Variants in CYRIB observed in about 807,000 individuals in gnomAD.
The protein encoded by CYRIB is CYFIP related Rac1 interactor B.
Under a neutral mutation model 44.2 loss-of-function variants are expected in CYRIB, and 8 were observed. The observed-to-expected ratio is 0.18, with a 90% CI of 0.11 to 0.33. The LOEUF (loss-of-function observed/expected upper bound fraction) is 0.33, where lower values mean the gene tolerates loss of function less well. Ranked by LOEUF, CYRIB falls within the 10% of genes least tolerant of loss-of-function variation. CYRIB has a pLI of 1.00. For missense variants in CYRIB, 185 were observed against 382.8 expected (o/e 0.48, Z 4.31); for synonymous variants, 131 against 127.2 (o/e 1.03, Z -0.20).
At chr8:129,911,006 A>C (rs575865300) in intron 1 of CYRIB, among the ~76,000 whole-genome samples, 26 of 152,288 alleles carry the variant, frequency 1.7e-4, no homozygotes, top group African/African-American at 6.3e-4. Context: ...TTTTTCCTCC[A>C]CAATTGTGTA....
intron 2 of CYRIB, among the ~76,000 whole-genome samples, chr8:129,967,193 A>G (rs7845534): frequency 0.024 from 3,607 of 152,278 alleles, 136 homozygotes; most frequent in African/African-American, 0.082. Flanking sequence ...TACTGACTCA[A>G]GAGTCCTAAC....
intron 4 of CYRIB, among the ~76,000 whole-genome samples, chr8:129,863,784 G>T (rs576193894): frequency 1.3e-5 from 2 of 151,822 alleles, no homozygotes; most frequent in African/African-American, 2.4e-5. Flanking sequence ...ATATTTTTTT[G>T]TCTTTATCTT....
chr8:129,950,051 G>A (rs2094422439), intron 2 of CYRIB, among the ~76,000 whole-genome samples: 1 of 152,078 alleles, frequency 6.6e-6, no homozygotes, highest in South Asian at 2.1e-4. Context: ...AAAAGTTTGG[G>A]TAAAACTTAA....
At chr8:129,957,545 T>G (rs1244312950) in intron 2 of CYRIB, among the ~76,000 whole-genome samples, 1 of 152,194 alleles carries the variant, frequency 6.6e-6, no homozygotes, top group Admixed American at 6.5e-5. Flanking sequence ...TTCAAATTTT[T>G]TTATTGCCGG....
At chr8:129,983,192 T>C (rs1264165566) in intron 1 of CYRIB, among the ~76,000 whole-genome samples, 1 of 152,134 alleles carries the variant, frequency 6.6e-6, no homozygotes, top group Non-Finnish European at 1.5e-5. Context: ...ACGCCTGTAA[T>C]GCCAGCACTT....
At chr8:129,913,970 C>T (rs1253572829) in intron 1 of CYRIB, among the ~76,000 whole-genome samples, 1 of 152,028 alleles carries the variant, frequency 6.6e-6, no homozygotes, top group East Asian at 1.9e-4. Flanking sequence ...ATACAGAATT[C>T]TTTATAGTTT....
chr8:129,910,007 G>A (rs960340308), intron 1 of CYRIB, among the ~76,000 whole-genome samples: 23 of 152,220 alleles, frequency 1.5e-4, no homozygotes, highest in African/African-American at 4.8e-4. Flanking sequence ...CACCTCAGGG[G>A]ATGCCTGGAG....
chr8:130,008,101 C>T (rs1324041678), intron 1 of CYRIB, among the ~76,000 whole-genome samples: 2 of 150,454 alleles, frequency 1.3e-5, no homozygotes, highest in Non-Finnish European at 3.0e-5. Flanking sequence ...CCCAGCTACT[C>T]GGGAGGCTGA....
At chr8:129,954,552 C>G (rs552266245) in intron 2 of CYRIB, among the ~76,000 whole-genome samples, 5 of 152,150 alleles carry the variant, frequency 3.3e-5, no homozygotes, top group African/African-American at 9.6e-5. Flanking sequence ...GCTGCTTGTA[C>G]TTATAAGTGC....
At chr8:129,850,753 A>G in intron 9 of CYRIB, 82 bp downstream of exon 11, 1 of 954,354 alleles carries the variant, frequency 1.0e-6, no homozygotes, top group Non-Finnish European at 1.7e-6. Context: ...AAACATGTTA[A>G]CATGTTCATA....
intron 1 of CYRIB, among the ~76,000 whole-genome samples, chr8:129,910,811 G>C (rs1340252061): frequency 6.6e-6 from 1 of 152,150 alleles, no homozygotes; most frequent in Admixed American, 6.5e-5. Context: ...ACAAACAAGA[G>C]AAACACGGTC....
intron 2 of CYRIB, among the ~76,000 whole-genome samples, chr8:129,970,331 G>C (rs2132143953): frequency 6.6e-6 from 1 of 152,238 alleles, no homozygotes; most frequent in Non-Finnish European, 1.5e-5. Context: ...GTCACAGACA[G>C]AGGGCACCCA....
intron 2 of CYRIB, among the ~76,000 whole-genome samples, chr8:129,897,506 C>T (rs1251169692): frequency 6.6e-6 from 1 of 151,224 alleles, no homozygotes. Flanking sequence ...CTTAAAACAA[C>T]AGTCAAATGA....
At chr8:129,882,998 C>A (rs781158077) in intron 2 of CYRIB, among the ~76,000 whole-genome samples, 1 of 150,668 alleles carries the variant, frequency 6.6e-6, no homozygotes, top group Non-Finnish European at 1.5e-5. Context: ...GAGTTCGAGA[C>A]CAGTCTGGCC....
At chr8:129,895,130 G>A (rs2067344075) in intron 2 of CYRIB, among the ~76,000 whole-genome samples, 2 of 133,162 alleles carry the variant, frequency 1.5e-5, no homozygotes, top group Non-Finnish European at 3.3e-5. Flanking sequence ...GTGGGGGTGG[G>A]GGTGGGGGTG....
chr8:129,962,235 C>A (rs763698060), intron 2 of CYRIB, among the ~76,000 whole-genome samples: 3 of 151,140 alleles, frequency 2.0e-5, no homozygotes, highest in African/African-American at 4.9e-5. Flanking sequence ...CAGAGTGAAA[C>A]CCTGTTTAAA....
At chr8:129,907,277 A>T (rs1249251260) in intron 1 of CYRIB, among the ~76,000 whole-genome samples, 1 of 152,244 alleles carries the variant, frequency 6.6e-6, no homozygotes, top group East Asian at 1.9e-4. Flanking sequence ...ATAAAAAATG[A>T]TGAGTTTAGG....
Position 129,862,449 on chromosome 8 carries a change from T to C in CYRIB, c.196-115A>G, listed in dbSNP as rs188161058. The C allele has an allele frequency of 8.1e-5, 66 of 812,674 alleles. 1 individual carries two copies. In the East Asian group the frequency reaches 1.5e-3, roughly 19 times the overall value. 50.3% of individuals were successfully genotyped at this position (812,674 alleles called of 1,614,324 possible). ...AAACACTGGTATAATCCATAAAATA[T>C]AGAATATTGAATCTAGGAGTGTTGA... On this transcript the variant is annotated intron_variant, in intron 4 of 11. Transcript: ENST00000519824.
intron 1 of CYRIB, among the ~76,000 whole-genome samples, chr8:129,984,566 A>T (rs1052453018): frequency 6.6e-6 from 1 of 151,984 alleles, no homozygotes; most frequent in Non-Finnish European, 1.5e-5. Flanking sequence ...TCCTCCCTGT[A>T]CCCCAGGATG....
Sources: allele counts gnomAD v4.1 joint callset (sites outside exome capture counted in the v4.1 genomes callset), GRCh38; gene constraint gnomAD v4.1.1; transcripts MANE v1.5; gene names NCBI Gene and HGNC (gene_info 2026-07-23, HGNC 2026-07-21).